ANKS1A: variants seen among roughly 807,000 people sequenced by gnomAD.
The protein encoded by ANKS1A is ankyrin repeat and SAM domain-containing protein 1A.
ANKS1A carries 55 observed loss-of-function variants against 120.3 expected under a neutral mutation model. That is an observed-to-expected ratio of 0.46 (90% CI 0.37 to 0.57). The LOEUF is 0.57. Among genes scored for constraint, ANKS1A ranks in the 20% least tolerant of loss-of-function variants. The probability of loss-of-function intolerance (pLI) is 0.00; values close to 1 mark genes in which losing one functional copy is unlikely to be tolerated. For missense variants in ANKS1A, 1,123 were observed against 1,480.3 expected, an observed-to-expected ratio of 0.76 and a Z score of 3.96; for synonymous variants, 590 against 604.7, an observed-to-expected ratio of 0.98 and a Z score of 0.36.
chr6:35,071,917 C>T (rs1777106808), intron 13 of ANKS1A, among the ~76,000 whole-genome samples: 2 of 152,230 alleles, frequency 1.3e-5, no homozygotes, highest in African/African-American at 4.8e-5. Flanking sequence ...GCCGGCCCCT[C>T]CCCATCTGGG....
rs547855189 is a variant in ANKS1A, at chr6:34,994,318, C to T, written c.1319C>T (p.Pro440Leu). 16 of 1,613,334 alleles carry T rather than the reference C, an allele frequency of 9.9e-6. No homozygotes were observed. Among genetic ancestry groups the T allele is most frequent in the Admixed American group, 1.7e-5 (1 of 59,984 alleles). The change falls in exon 10 of 24, where the codon CCT becomes CTT. Residue 440 changes from proline to leucine, a missense_variant. Physicochemically the swap from Pro to Leu is moderately conservative, Grantham distance 98. This residue lies in a region of ANKS1A where 904 missense variants were observed against 1,130.4 expected (regional missense o/e 0.80). Transcript: ENST00000360359. Reference sequence around the variant, plus strand: ...CTCCCTTAGGTTCTGTCCATGAGACCTAGGATTCATGGGAGTGCAGCCCGG... The same window carrying T: ...CTCCCTTAGGTTCTGTCCATGAGACTTAGGATTCATGGGAGTGCAGCCCGG... ...LTASEVLSMR[P>L]RIHGSAAREE... is the part of the protein sequence containing the mutation.
chr6:35,074,188 G>A (rs896864456), intron 13 of ANKS1A, among the ~76,000 whole-genome samples: 15 of 152,232 alleles, frequency 9.9e-5, no homozygotes, highest in Non-Finnish European at 1.5e-5. Flanking sequence ...GGGGTTGAGT[G>A]GGAGTTTAGA....
intron 1 of ANKS1A, among the ~76,000 whole-genome samples, chr6:34,928,553 T>G (rs1768827214): frequency 6.6e-6 from 1 of 152,200 alleles, no homozygotes; most frequent in South Asian, 2.1e-4. Context: ...TTCTCTTTTT[T>G]GCTCACTGCT....
In ANKS1A at chr6:35,081,098, G is replaced by T; in HGVS notation, c.2649G>T (p.Arg883Ser). 6.2e-7 allele frequency: 1 copy of T among 1,613,772 alleles called. No homozygotes were observed. ...TGCCTCCAGGGGACACAGGCAGGAG[G>T]CGCCATGACAGTCTCCATGACCCTG... ...LLLPPGDTGR[R>S]RHDSLHDPAA... The change falls in exon 17 of 24, where the codon AGG (arginine) becomes AGT (serine). Residue 883 changes from arginine to serine, a missense_variant. Physicochemically the swap from Arg to Ser is moderately radical, Grantham distance 110. Transcript: ENST00000360359.
intron 11 of ANKS1A, among the ~76,000 whole-genome samples, chr6:35,034,214 G>A (rs980380152): frequency 5.3e-5 from 8 of 152,184 alleles, no homozygotes; most frequent in Admixed American, 3.3e-4. Flanking sequence ...TCATTGTAGT[G>A]ATCCACTGCA....
chr6:34,898,025 A>G (rs983754642), intron 1 of ANKS1A, among the ~76,000 whole-genome samples: 5 of 152,138 alleles, frequency 3.3e-5, no homozygotes, highest in Admixed American at 6.5e-5. Flanking sequence ...GATGGTGCCT[A>G]TCTTCTAAAG....
intron 1 of ANKS1A, among the ~76,000 whole-genome samples, chr6:34,932,645 A>C (rs1455764976): frequency 6.6e-6 from 1 of 152,216 alleles, no homozygotes; most frequent in Non-Finnish European, 1.5e-5. Context: ...TCAACCTCCC[A>C]AAGTGCTGGG....
At chr6:34,893,803 A>G (rs999827169) in intron 1 of ANKS1A, among the ~76,000 whole-genome samples, 1 of 152,198 alleles carries the variant, frequency 6.6e-6, no homozygotes, top group African/African-American at 2.4e-5. Flanking sequence ...ATATAGCCCT[A>G]TATACCTATG....
chr6:35,014,307 G>C (rs1351031955), intron 10 of ANKS1A, among the ~76,000 whole-genome samples: 1 of 152,204 alleles, frequency 6.6e-6, no homozygotes, highest in Non-Finnish European at 1.5e-5. Context: ...GCCTGGCTAA[G>C]TCATATGATT....
At position 35,078,531 on chromosome 6, in the gene ANKS1A, C is replaced by A. The variant is rs1229803225; in HGVS notation, c.2185-27C>A. 4 of 1,605,570 alleles carry A rather than the reference C, an allele frequency of 2.5e-6. No homozygotes were observed. The South Asian group carries it at 4.4e-5, about 18-fold the overall frequency. ...CCACCAGCCATCCATCCAGGAGGGG[C>A]CCTGACATCCACCTTTCTGCTCTCA... On this transcript the variant is annotated intron_variant, in intron 13 of 23. Transcript: ENST00000360359.
At chr6:34,980,458 C>T (rs1261626870) in intron 3 of ANKS1A, among the ~76,000 whole-genome samples, 2 of 152,200 alleles carry the variant, frequency 1.3e-5, no homozygotes, top group Non-Finnish European at 2.9e-5. Flanking sequence ...AGTCAAATGC[C>T]AGATCAAAAG....
chr6:35,031,100 C>G (rs776495327), intron 11 of ANKS1A, among the ~76,000 whole-genome samples: 3 of 152,190 alleles, frequency 2.0e-5, no homozygotes, highest in Non-Finnish European at 2.9e-5. Context: ...CACAATGCTT[C>G]CAGAGGTACC....
In ANKS1A at chr6:35,091,136, A is replaced by ATGTT. The variant is rs1426558795; in HGVS notation, c.*2528_*2531dup. On this transcript the variant is annotated 3_prime_UTR_variant, in exon 24 of 24. Coordinates refer to ENST00000360359, the MANE Select transcript of ANKS1A (RefSeq NM_015245.3). The stretch of plus-strand genomic sequence containing the variant: ...GGCAATGGACTGAACTGTAATGAAA[A>ATGTT]TGTTATTTAATCTTTGTCTCTGTAT... 108 of 985,890 alleles carry ATGTT rather than the reference A, an allele frequency of 1.1e-4. No individual in the cohort carries two copies. Among genetic ancestry groups the ATGTT allele is most frequent in the Admixed American group, 7.4e-4 (12 of 16,290 alleles). The allele number at this position is 985,890 out of a possible 1,614,324, so 61.1% of individuals were successfully genotyped here.
chr6:34,922,079 G>A (rs1768462553), intron 1 of ANKS1A, among the ~76,000 whole-genome samples: 1 of 150,886 alleles, frequency 6.6e-6, no homozygotes, highest in East Asian at 1.9e-4. Flanking sequence ...TGGGCTCAGG[G>A]GATCCTCCCA....
chr6:34,964,301 A>T (rs1770790548), intron 1 of ANKS1A, among the ~76,000 whole-genome samples: 1 of 152,142 alleles, frequency 6.6e-6, no homozygotes, highest in Non-Finnish European at 1.5e-5. Flanking sequence ...ATGTGAATAG[A>T]TTCTCACTGT....
chr6:35,035,589 C>G (rs899950481), intron 11 of ANKS1A, among the ~76,000 whole-genome samples: 2 of 152,180 alleles, frequency 1.3e-5, no homozygotes, highest in African/African-American at 4.8e-5. Flanking sequence ...TGTTTCCACC[C>G]TCATGTCACA....
chr6:35,079,893 C>T lies in ANKS1A; in HGVS notation c.2509C>T (p.Pro837Ser). The T allele has an allele frequency of 1.3e-6, 2 of 1,560,744 alleles. No homozygotes were observed. The highest frequency in any genetic ancestry group is 8.7e-7 in the Non-Finnish European group (1 of 1,152,178). Residue 837 changes from proline (P) to serine (S), a missense_variant, in exon 16 of 24, where the codon CCG becomes TCG. By Grantham distance (74) the Pro-to-Ser change is moderately conservative (BLOSUM62 -1). Coordinates refer to ENST00000360359, the MANE Select transcript of ANKS1A (RefSeq NM_015245.3). ...ASLADRPYEE[P>S]PQKPPRFSQL... ...CCTCGCAGACAGACCGTACGAGGAG[C>T]CGCCCCAGAAGCCCCCCAGATTCTC...
intron 1 of ANKS1A, among the ~76,000 whole-genome samples, chr6:34,961,361 G>A (rs1343670056): frequency 1.3e-5 from 2 of 152,132 alleles, no homozygotes; most frequent in Admixed American, 1.3e-4. Context: ...CAAACAAGGA[G>A]ATTAGAGTTC....
At chr6:35,010,014 T>C in intron 10 of ANKS1A, 1 of 206,024 alleles carries the variant, frequency 4.9e-6, no homozygotes, top group South Asian at 6.0e-5. Flanking sequence ...ATCTTGTCTC[T>C]ACGAAAATAA....
Sources: allele counts gnomAD v4.1 joint callset (sites outside exome capture counted in the v4.1 genomes callset), GRCh38; gene constraint gnomAD v4.1.1; regional missense constraint gnomAD v4.1.1; transcripts MANE v1.5; gene names NCBI Gene and HGNC (gene_info 2026-07-23, HGNC 2026-07-21).